The following PRAME variants were observed in gnomAD, a reference collection of about 807,000 sequenced individuals.
PRAME encodes the protein melanoma antigen preferentially expressed in tumors.
In PRAME, 21 loss-of-function variants were observed where a neutral mutation model predicts 32.1. That is an observed-to-expected ratio of 0.65 (90% CI 0.46 to 0.94). PRAME has a LOEUF of 0.94. Among genes scored for constraint, PRAME ranks in the 40% least tolerant of loss-of-function variants. The pLI, the probability that PRAME is intolerant of heterozygous loss-of-function variation, is 0.00. For missense variants in PRAME, 651 were observed against 622.3 expected (o/e 1.05, Z -0.49); for synonymous variants, 274 against 251.5 (o/e 1.09, Z -0.85).
chr22:22,557,054 T>G, intron 2 of PRAME, 145 bp from the exon 3 acceptor site: 1 of 610,498 alleles, frequency 1.6e-6, no homozygotes, highest in East Asian at 2.8e-5. Flanking sequence ...TGCAAATCTC[T>G]GGCTCCAAAC....
rs754401173 is a variant in PRAME at position 22,547,970 on chromosome 22, G to T, written c.*97C>A. On this transcript the variant is annotated 3_prime_UTR_variant, in exon 6 of 6. Transcript: ENST00000405655. ...TTTTCCTCACTCACACTGAACATTT[G>T]TCTGAAACTGTGGCTGCTTTGTTGC... 6.2e-6 allele frequency: 8 copies of T among 1,292,210 alleles called. 1 individual carries two copies. The highest frequency in any genetic ancestry group is 2.8e-5 in the South Asian group (2 of 70,552). The allele number at this position is 1,292,210 out of a possible 1,614,324, so 80.0% of individuals were successfully genotyped here. A position where few individuals can be genotyped will look rare whatever the true frequency, so the allele number is the denominator to read the frequency against.
Position 22,550,298 on chromosome 22 carries a change from G to C in PRAME, c.381C>G (p.Asn127Lys). 1 of 1,613,176 alleles carries C rather than the reference G, an allele frequency of 6.2e-7. No individual in the cohort carries two copies. Among genetic ancestry groups the C allele is most frequent in the South Asian group, 1.1e-5 (1 of 90,870 alleles). ...WKLQVLDLRK[N>K]SHQDFWTVWS... ...ATACAGTCCAGAAGTCCTGATGAGA[G>C]TTCTTCCGTAAATCCAGCACTTGAA... Residue 127 changes from asparagine to lysine, a missense_variant, in exon 5 of 6, where the codon AAC becomes AAG. Transcript: ENST00000405655.
chr22:22,556,387 T>C (rs534233476), intron 3 of PRAME, among the ~76,000 whole-genome samples: 1 of 151,876 alleles, frequency 6.6e-6, no homozygotes, highest in East Asian at 2.0e-4. Context: ...CTTGGCTTAC[T>C]GCAACCTTCG....
At position 22,548,600 on chromosome 22, in the gene PRAME, G is replaced by A. The variant is rs765151275; in HGVS notation, c.997C>T (p.Arg333Trp). ...TGCATCACATCCCCTTCCGAAAGCC[G>A]GCAGTTAGTTATTGAGAGGGTTTCC... is the stretch of plus-strand genomic sequence containing the variant. ...PLETLSITNC[R>W]LSEGDVMHLS... The change falls in exon 6 of 6, where the codon CGG becomes TGG. Residue 333 changes from arginine (R) to tryptophan (W), a missense_variant. Coordinates refer to ENST00000405655, the MANE Select transcript of PRAME (RefSeq NM_206956.3). The A allele has an allele frequency of 1.2e-5, 19 of 1,609,506 alleles. No individual in the cohort carries two copies. The highest frequency in any genetic ancestry group is 2.7e-5 in the African/African-American group (2 of 74,832).
intron 3 of PRAME, among the ~76,000 whole-genome samples, chr22:22,553,579 C>T (rs887612877): frequency 1.3e-5 from 2 of 151,894 alleles, no homozygotes; most frequent in Non-Finnish European, 2.9e-5. Context: ...CAATCTTCCT[C>T]CCTCCCTAGA....
At chr22:22,558,689 G>T (rs1271255468) in intron 1 of PRAME, among the ~76,000 whole-genome samples, 2 of 150,286 alleles carry the variant, frequency 1.3e-5, no homozygotes, top group Non-Finnish European at 3.0e-5. Context: ...GTGGGGAGGC[G>T]GGGGGCTGAC....
In PRAME at chr22:22,552,971, A is replaced by G. The variant is rs113177640; in HGVS notation, c.22-1882T>C. The G allele has an allele frequency of 5.8e-3, 2,739 of 470,080 alleles. 68 individuals are homozygous for G. Among genetic ancestry groups the G allele is most frequent in the African/African-American group, 0.049 (2,440 of 50,096 alleles). The allele number at this position is 470,080 out of a possible 1,614,324, so 29.1% of individuals were successfully genotyped here. ...TCCACGCTGCCAACGGAAGAGCCAA[A>G]TCTAATTACATTCCTGGATCTCCAG... is the stretch of plus-strand genomic sequence containing the variant. On this transcript the variant is annotated intron_variant, in intron 3 of 5. Transcript: ENST00000405655.
intron 3 of PRAME, among the ~76,000 whole-genome samples, chr22:22,555,133 C>G (rs2062831307): frequency 6.6e-6 from 1 of 152,004 alleles, no homozygotes; most frequent in Non-Finnish European, 1.5e-5. Context: ...TCTGCATGTC[C>G]TGTCTACTGG....
At chr22:22,551,220 G>T in intron 3 of PRAME, 131 bp from the exon 4 acceptor site, 1 of 789,142 alleles carries the variant, frequency 1.3e-6, no homozygotes, top group Non-Finnish European at 2.0e-6. Context: ...GGAGTTCTCA[G>T]TTTACCCCGA....
intron 1 of PRAME, among the ~76,000 whole-genome samples, chr22:22,558,649 A>C (rs2063143184): frequency 1.1e-5 from 1 of 92,644 alleles, no homozygotes. Context: ...AGGGTGGAAA[A>C]AGGGGGTGCG....
At chr22:22,551,634 T>C (rs1431612969) in intron 3 of PRAME, among the ~76,000 whole-genome samples, 1 of 134,338 alleles carries the variant, frequency 7.4e-6, no homozygotes, top group African/African-American at 2.8e-5. Flanking sequence ...GGAAGTACAA[T>C]AAAAAAAAAA....
In PRAME at chr22:22,551,107, G is replaced by C. The variant is rs768110965; in HGVS notation, c.22-18C>G. On this transcript the variant is annotated intron_variant, in intron 3 of 5. Coordinates refer to ENST00000405655, the MANE Select transcript of PRAME (RefSeq NM_206956.3). ...ATGGAACCCTGAGGAAACATACAGGGAACAAGGCATCCCTTTCAGCCCAAG... is the reference window on the plus strand; with the variant it reads ...ATGGAACCCTGAGGAAACATACAGGCAACAAGGCATCCCTTTCAGCCCAAG... 6.5e-6 allele frequency: 10 copies of C among 1,539,730 alleles called. No homozygotes were observed. Among genetic ancestry groups the C allele is most frequent in the Non-Finnish European group, 8.8e-6 (10 of 1,139,140 alleles).
chr22:22,556,798 G>C lies in PRAME; in HGVS notation c.21+14C>G. On this transcript the variant is annotated intron_variant, in intron 3 of 5. Coordinates refer to ENST00000405655, the MANE Select transcript of PRAME (RefSeq NM_206956.3). Reference sequence around the variant, plus strand: ...TTCTCTGAGCACCTCAGACAGCTCAGGGGACCTTCTTACCCACAAACGCCT... The same window carrying C: ...TTCTCTGAGCACCTCAGACAGCTCACGGGACCTTCTTACCCACAAACGCCT... The C allele has an allele frequency of 1.2e-6, 2 of 1,612,630 alleles. No individual in the cohort carries two copies. Among genetic ancestry groups the C allele is most frequent in the Non-Finnish European group, 1.7e-6 (2 of 1,179,808 alleles).
intron 3 of PRAME, among the ~76,000 whole-genome samples, chr22:22,554,890 G>A (rs900418271): frequency 1.3e-5 from 2 of 151,930 alleles, no homozygotes; most frequent in African/African-American, 4.8e-5. Context: ...GGAGGAGGAG[G>A]AACCGCGATC....
rs767164139 is a variant in PRAME at position 22,550,277 on chromosome 22, A to C, written c.402T>G (p.Thr134=). The C allele has an allele frequency of 6.2e-7, 1 of 1,613,676 alleles. No homozygotes were observed. Among genetic ancestry groups the C allele is most frequent in the Admixed American group, 1.7e-5 (1 of 59,950 alleles). ...GACTGGCCCTGTTTCCAGACCATAC[A>C]GTCCAGAAGTCCTGATGAGAGTTCT... ...LRKNSHQDFW[T]VWSGNRASLY... The change falls in exon 5 of 6, where the codon ACT becomes ACG. Residue 134 remains threonine (T), a synonymous_variant. Transcript: ENST00000405655.
rs553930388 is a variant in PRAME at position 22,549,598 on chromosome 22, G to T, written c.953+128C>A. The T allele has an allele frequency of 6.5e-6, 8 of 1,227,218 alleles. No individual in the cohort carries two copies. The East Asian group carries it at 1.8e-4, about 27-fold the overall frequency. 76.0% of individuals were successfully genotyped at this position (1,227,218 alleles called of 1,614,324 possible). On this transcript the variant is annotated intron_variant, in intron 5 of 5. Transcript: ENST00000405655. ...GCTTGGGGACAGTGGTGAACAAGAC[G>T]TGTTAACTGGTAGTGACTTGCTCAC...
At chr22:22,552,407 A>T (rs62225990) in intron 3 of PRAME, among the ~76,000 whole-genome samples, 1 of 3,060 alleles carries the variant, frequency 3.3e-4, no homozygotes, top group East Asian at 0.083. Flanking sequence ...TTATTTTCCA[A>T]AAAAAAAAAA....
chr22:22,554,587 T>C (rs2062789843), intron 3 of PRAME, among the ~76,000 whole-genome samples: 1 of 151,968 alleles, frequency 6.6e-6, no homozygotes, highest in South Asian at 2.1e-4. Context: ...GCAGCTCTCA[T>C]TCATTACCTC....
chr22:22,551,417 T>C (rs1199374425), intron 3 of PRAME, among the ~76,000 whole-genome samples: 1 of 151,882 alleles, frequency 6.6e-6, no homozygotes. Flanking sequence ...CTGCTCATTT[T>C]GGGAAAAAGT....
Sources: gnomAD v4.1 joint callset for allele counts (sites outside exome capture counted in the v4.1 genomes callset) on GRCh38, gnomAD v4.1.1 for gene constraint, MANE v1.5 for transcripts, NCBI Gene and HGNC (gene_info 2026-07-23, HGNC 2026-07-21) for gene names.